The following CNNM1 variants were observed in gnomAD, a reference collection of about 807,000 sequenced individuals.
CNNM1 encodes cyclin and CBS domain divalent metal cation transport mediator 1, also known as metal transporter CNNM1.
Under a neutral mutation model 78.8 loss-of-function variants are expected in CNNM1, and 44 were observed. That is an observed-to-expected ratio of 0.56 (90% CI 0.44 to 0.72). CNNM1 has a LOEUF of 0.72. CNNM1 is among the 30% of genes least tolerant of loss of function. The probability of loss-of-function intolerance (pLI) is 0.00; values close to 1 mark genes in which losing one functional copy is unlikely to be tolerated. For synonymous variants in CNNM1, 584 were observed against 581.5 expected, an observed-to-expected ratio of 1.00 and a Z score of -0.06; for missense variants, 1,101 against 1,292.2, an observed-to-expected ratio of 0.85 and a Z score of 2.27.
chr10:99,350,619 C>T (rs2030908149), intron 1 of CNNM1, among the ~76,000 whole-genome samples: 1 of 152,176 alleles, frequency 6.6e-6, no homozygotes, highest in Admixed American at 6.5e-5. Context: ...CTGCCACTGC[C>T]TTTCTGTATA....
At chr10:99,381,413 A>G (rs1486524272) in intron 7 of CNNM1, among the ~76,000 whole-genome samples, 2 of 149,278 alleles carry the variant, frequency 1.3e-5, no homozygotes, top group Admixed American at 6.7e-5. Context: ...TGTCTTCAAA[A>G]AAAAAAAAAA....
rs868792225 is a variant in CNNM1 at position 99,387,862 on chromosome 10, A to G, written c.2383A>G (p.Met795Val). The part of the protein sequence containing the change: ...QYQNALTACH[M>V]DSSPQSPDME... ...TCAGAACGCACTCACTGCCTGCCAC[A>G]TGGACAGCTCACCTCAGTCCCCTGA... Residue 795 changes from methionine (M) to valine (V), a missense_variant, in exon 8 of 11, where the codon ATG becomes GTG. Met to Val is a conservative substitution (Grantham distance 21). Around this residue, in one of 3 missense-constraint regions of CNNM1, gnomAD observed 348 missense variants for 384.5 expected, o/e 0.90. Transcript: ENST00000356713. The G allele has an allele frequency of 6.2e-7, 1 of 1,612,684 alleles. No individual in the cohort carries two copies. The highest frequency in any genetic ancestry group is 1.7e-5 in the Admixed American group (1 of 59,842).
rs117914747 is a variant in CNNM1, at chr10:99,382,835, C to T, written c.2341-4985C>T. ...CTTCTGGACACCTTGGCTGCTAAGT[C>T]AAAAAGTCCAGAAAGCCACCCTTGC... On this transcript the variant is annotated intron_variant, in intron 7 of 10. Coordinates refer to ENST00000356713, the MANE Select transcript of CNNM1 (RefSeq NM_020348.3). Among the ~76,000 whole-genome samples the T allele has an allele frequency of 3.8e-3, 579 of 152,258 alleles. 1 individual carries two copies. The highest frequency in any genetic ancestry group is 7.1e-3 in the Non-Finnish European group (483 of 68,008).
chr10:99,353,995 A>G (rs1351767134), intron 1 of CNNM1, among the ~76,000 whole-genome samples: 1 of 152,210 alleles, frequency 6.6e-6, no homozygotes, highest in East Asian at 1.9e-4. Flanking sequence ...ATTTAATTTC[A>G]TCATATGAAT....
In CNNM1 at chr10:99,387,712, C is replaced by T. The variant is rs901263956; in HGVS notation, c.2341-108C>T. 29 of 1,142,336 alleles carry T rather than the reference C, an allele frequency of 2.5e-5. 1 individual carries two copies. The highest frequency in any genetic ancestry group is 4.7e-5 in the African/African-American group (3 of 63,400). 70.8% of individuals were successfully genotyped at this position (1,142,336 alleles called of 1,614,324 possible). A position where few individuals can be genotyped will look rare whatever the true frequency, so the allele number is the denominator to read the frequency against. On this transcript the variant is annotated intron_variant, in intron 7 of 10. Transcript: ENST00000356713. ...TTCGTGGATCTCAGGCCTCAGAGGC[C>T]GAGGGTTCCAAGCACCCCAGCGAGG... is the stretch of plus-strand genomic sequence containing the variant.
chr10:99,331,614 C>A (rs2029912367), intron 1 of CNNM1, among the ~76,000 whole-genome samples: 1 of 152,224 alleles, frequency 6.6e-6, no homozygotes, highest in Non-Finnish European at 1.5e-5. Context: ...TGCTTCTAAT[C>A]CCAGCACTTT....
At chr10:99,383,228 T>C (rs2032209453) in intron 7 of CNNM1, among the ~76,000 whole-genome samples, 1 of 152,174 alleles carries the variant, frequency 6.6e-6, no homozygotes, top group Admixed American at 6.5e-5. Context: ...GGGTACTATC[T>C]AATTCATTAC....
At chr10:99,348,661 G>A (rs936628434) in intron 1 of CNNM1, among the ~76,000 whole-genome samples, 7 of 152,182 alleles carry the variant, frequency 4.6e-5, no homozygotes, top group Non-Finnish European at 8.8e-5. Flanking sequence ...GAAGAGCAGG[G>A]GCAATGTGTC....
intron 1 of CNNM1, among the ~76,000 whole-genome samples, chr10:99,334,842 C>G (rs563626532): frequency 6.6e-6 from 1 of 152,268 alleles, no homozygotes; most frequent in East Asian, 1.9e-4. Flanking sequence ...CTTCCAGGCA[C>G]CATGCCAGGC....
intron 6 of CNNM1, among the ~76,000 whole-genome samples, chr10:99,371,532 C>A (rs1313146503): frequency 6.6e-6 from 1 of 152,118 alleles, no homozygotes; most frequent in African/African-American, 2.4e-5. Flanking sequence ...GTTATCTATT[C>A]ATAATGTGCA....
intron 9 of CNNM1, among the ~76,000 whole-genome samples, chr10:99,388,643 T>C (rs1050302229): frequency 6.6e-6 from 1 of 152,220 alleles, no homozygotes; most frequent in African/African-American, 2.4e-5. Context: ...TAAGTATCCT[T>C]ATGTTAATAG....
At chr10:99,349,289 A>G (rs535709772) in intron 1 of CNNM1, among the ~76,000 whole-genome samples, 1 of 152,298 alleles carries the variant, frequency 6.6e-6, no homozygotes, top group Admixed American at 6.5e-5. Flanking sequence ...TCCAAGATCA[A>G]TTAGATCAGA....
intron 1 of CNNM1, among the ~76,000 whole-genome samples, chr10:99,355,599 G>A (rs1441252923): frequency 6.6e-6 from 1 of 152,174 alleles, no homozygotes; most frequent in Non-Finnish European, 1.5e-5. Flanking sequence ...CTATACCGCA[G>A]AAGAAAACAA....
rs145147993 is a variant in CNNM1 at position 99,367,553 on chromosome 10, A to G, written c.2176+2551A>G. On this transcript the variant is annotated intron_variant, in intron 6 of 10. Coordinates refer to ENST00000356713, the MANE Select transcript of CNNM1 (RefSeq NM_020348.3). ...ATACAATGTATACAGTTTGGTGTATACATTTATACATTTAGAACTATGATT... is the reference window on the plus strand; with the variant it reads ...ATACAATGTATACAGTTTGGTGTATGCATTTATACATTTAGAACTATGATT... Among the ~76,000 whole-genome samples, 5 of 152,314 alleles carry G rather than the reference A, an allele frequency of 3.3e-5. No individual in the cohort carries two copies. The East Asian group carries it at 9.6e-4, about 29-fold the overall frequency.
chr10:99,394,190 C>A lies in CNNM1; in HGVS notation c.*2674C>A, dbSNP rs1179220772. The A allele has an allele frequency of 1.3e-5, 2 of 152,450 alleles. No individual in the cohort carries two copies. Among genetic ancestry groups the A allele is most frequent in the Non-Finnish European group, 2.9e-5 (2 of 68,024 alleles). 9.4% of individuals were successfully genotyped at this position (152,450 alleles called of 1,614,324 possible). On this transcript the variant is annotated 3_prime_UTR_variant, in exon 11 of 11. Transcript: ENST00000356713. ...CCCTATGGAGCCTGTCACCACTCCC[C>A]TCCCTATATACCCCCACCCCACAAA...
At position 99,361,086 on chromosome 10, in the gene CNNM1, G is replaced by A. The variant is rs150977159; in HGVS notation, c.1858+111G>A. ...CTGATTCCAGTGTGCTGTCAGGACT[G>A]AGAAGCACTGTTCTAGGAAGGAGGT... is the stretch of plus-strand genomic sequence containing the variant. On this transcript the variant is annotated intron_variant, in intron 3 of 10. Transcript: ENST00000356713. The A allele has an allele frequency of 6.7e-6, 8 of 1,192,602 alleles. No homozygotes were observed. The African/African-American group carries it at 1.2e-4, about 18-fold the overall frequency. 73.9% of individuals were successfully genotyped at this position (1,192,602 alleles called of 1,614,324 possible).
intron 1 of CNNM1, among the ~76,000 whole-genome samples, chr10:99,345,203 A>G (rs2030641173): frequency 6.6e-6 from 1 of 152,222 alleles, no homozygotes; most frequent in Non-Finnish European, 1.5e-5. Flanking sequence ...GACCAGAGGT[A>G]ACATATGCAC....
At chr10:99,336,867 C>T (rs948787464) in intron 1 of CNNM1, among the ~76,000 whole-genome samples, 1 of 152,090 alleles carries the variant, frequency 6.6e-6, no homozygotes, top group Non-Finnish European at 1.5e-5. Context: ...ACTCAGGAGG[C>T]TGAGGCAGGG....
intron 6 of CNNM1, among the ~76,000 whole-genome samples, chr10:99,371,687 T>C (rs2031808960): frequency 6.6e-6 from 1 of 152,162 alleles, no homozygotes; most frequent in Non-Finnish European, 1.5e-5. Context: ...TAAAGCTCCG[T>C]GTAAAGTGAA....
Sources: gnomAD v4.1 joint callset for allele counts (sites outside exome capture counted in the v4.1 genomes callset) on GRCh38, gnomAD v4.1.1 for gene constraint, gnomAD v4.1.1 regional missense constraint, MANE v1.5 for transcripts, NCBI Gene and HGNC (gene_info 2026-07-23, HGNC 2026-07-21) for gene names.